The following ME3 variants were observed in gnomAD, a reference collection of about 807,000 sequenced individuals.
ME3 encodes NADP-dependent malic enzyme, mitochondrial.
Under a neutral mutation model 68.9 loss-of-function variants are expected in ME3, and 48 were observed. That is an observed-to-expected ratio of 0.70 (90% CI 0.55 to 0.89). The LOEUF (loss-of-function observed/expected upper bound fraction) is 0.89, where lower values mean the gene tolerates loss of function less well. Among genes scored for constraint, ME3 ranks in the 40% least tolerant of loss-of-function variants. The probability of loss-of-function intolerance (pLI) is 0.00; values close to 1 mark genes in which losing one functional copy is unlikely to be tolerated. For missense variants in ME3, 675 were observed against 797.4 expected (o/e 0.85, Z 1.85); for synonymous variants, 320 against 318.8 (o/e 1.00, Z -0.04).
At chr11:86,446,240 G>A (rs1949278262) in intron 13 of ME3, 74 bp downstream of exon 13, 1 of 1,528,858 alleles carries the variant, frequency 6.5e-7, no homozygotes. Flanking sequence ...AGAGATAAGA[G>A]AGATCTGGTA....
intron 2 of ME3, among the ~76,000 whole-genome samples, chr11:86,571,373 C>G (rs189714866): frequency 2.8e-4 from 42 of 152,322 alleles, no homozygotes; most frequent in Admixed American, 2.5e-3. Context: ...TCTGTAGGCT[C>G]TAGGTGAGCC....
At chr11:86,515,491 A>G (rs1953833740) in intron 4 of ME3, among the ~76,000 whole-genome samples, 1 of 152,216 alleles carries the variant, frequency 6.6e-6, no homozygotes. Flanking sequence ...TCTGTGCCTT[A>G]GTTTTCTCAG....
chr11:86,520,991 C>T (rs1429950404), intron 4 of ME3, among the ~76,000 whole-genome samples: 1 of 152,198 alleles, frequency 6.6e-6, no homozygotes, highest in Admixed American at 6.5e-5. Context: ...TTATCTGTGA[C>T]TCGGAGCTAG....
chr11:86,513,869 C>T (rs1953709018), intron 4 of ME3, among the ~76,000 whole-genome samples: 1 of 152,144 alleles, frequency 6.6e-6, no homozygotes, highest in African/African-American at 2.4e-5. Context: ...TATTTTCACT[C>T]AGAAGATACC....
At chr11:86,567,514 G>A (rs1162211545) in intron 2 of ME3, among the ~76,000 whole-genome samples, 1 of 152,172 alleles carries the variant, frequency 6.6e-6, no homozygotes, top group Non-Finnish European at 1.5e-5. Context: ...TTGGCTCAGA[G>A]CACCTTAGGG....
intron 4 of ME3, among the ~76,000 whole-genome samples, chr11:86,543,524 CTT>C (rs1318415902): frequency 6.6e-5 from 10 of 152,254 alleles, no homozygotes; most frequent in Non-Finnish European, 4.4e-5. Context: ...ATAAAACAGA[CTT>C]TAAACCTAGA....
At chr11:86,507,368 G>A (rs1444081778) in intron 5 of ME3, among the ~76,000 whole-genome samples, 1 of 152,148 alleles carries the variant, frequency 6.6e-6, no homozygotes, top group East Asian at 1.9e-4. Context: ...TGAACTTCCA[G>A]GGAGCTCTTC....
chr11:86,503,414 C>T (rs1349469302), intron 5 of ME3, among the ~76,000 whole-genome samples: 1 of 152,198 alleles, frequency 6.6e-6, no homozygotes, highest in African/African-American at 2.4e-5. Flanking sequence ...CCAAGGGCAG[C>T]CCCATATAGG....
At chr11:86,506,918 G>A (rs1236055241) in intron 5 of ME3, among the ~76,000 whole-genome samples, 1 of 152,160 alleles carries the variant, frequency 6.6e-6, no homozygotes, top group East Asian at 1.9e-4. Context: ...GCTTCTCTGG[G>A]CCTGGGACCA....
chr11:86,641,835 C>T (rs1944690384), intron 2 of ME3, among the ~76,000 whole-genome samples: 1 of 152,076 alleles, frequency 6.6e-6, no homozygotes, highest in Non-Finnish European at 1.5e-5. Context: ...AGCTGGCTTA[C>T]AATGGTATTT....
intron 1 of ME3, 153 bp from the exon 2 acceptor site, chr11:86,672,111 G>A (rs970509063): frequency 3.2e-6 from 2 of 627,746 alleles, no homozygotes; most frequent in Non-Finnish European, 4.8e-6. Context: ...GCCACTCCTC[G>A]GCTGCCACCT....
intron 2 of ME3, among the ~76,000 whole-genome samples, chr11:86,569,363 CT>C (rs1265206976): frequency 1.3e-5 from 2 of 152,178 alleles, no homozygotes; most frequent in East Asian, 3.8e-4. Context: ...ACCAGCACCC[CT>C]GTTCCCCATT....
At chr11:86,635,780 C>T (rs182652383) in intron 2 of ME3, among the ~76,000 whole-genome samples, 12 of 152,330 alleles carry the variant, frequency 7.9e-5, no homozygotes, top group African/African-American at 2.9e-4. Context: ...TATTCTGTTA[C>T]AGCAGCAACA....
chr11:86,541,090 G>A (rs961648892), intron 4 of ME3, among the ~76,000 whole-genome samples: 1 of 152,170 alleles, frequency 6.6e-6, no homozygotes, highest in Admixed American at 6.5e-5. Context: ...GTGCCATGAG[G>A]AACAGTGCAC....
chr11:86,645,503 T>C (rs1325176054), intron 2 of ME3, among the ~76,000 whole-genome samples: 1 of 152,134 alleles, frequency 6.6e-6, no homozygotes, highest in East Asian at 1.9e-4. Flanking sequence ...TCTCTAGATT[T>C]CTCCCCTTTG....
At chr11:86,568,200 T>A (rs1957592785) in intron 2 of ME3, among the ~76,000 whole-genome samples, 1 of 152,202 alleles carries the variant, frequency 6.6e-6, no homozygotes, top group Non-Finnish European at 1.5e-5. Context: ...GACATGCTGG[T>A]AGGGACCTGA....
At chr11:86,559,741 T>A in exon 3 of ME3, 1 of 1,614,018 alleles carries the variant, frequency 6.2e-7, no homozygotes, top group South Asian at 1.1e-5. Flanking sequence ...TCGGAGGAGC[T>A]GGACGTCCTG....
At chr11:86,474,049 C>T (rs539497444) in intron 7 of ME3, among the ~76,000 whole-genome samples, 3 of 152,112 alleles carry the variant, frequency 2.0e-5, no homozygotes, top group Non-Finnish European at 4.4e-5. Context: ...CCATGGTCAC[C>T]GGAGCTCCAC....
chr11:86,611,042 A>G (rs1437754241), intron 2 of ME3, among the ~76,000 whole-genome samples: 3 of 152,190 alleles, frequency 2.0e-5, no homozygotes, highest in Non-Finnish European at 4.4e-5. Context: ...AACCTCATAT[A>G]TATGTGAATA....
Sources: allele counts gnomAD v4.1 joint callset (sites outside exome capture counted in the v4.1 genomes callset), GRCh38; gene constraint gnomAD v4.1.1; transcripts MANE v1.5; gene names NCBI Gene and HGNC (gene_info 2026-07-23, HGNC 2026-07-21).